Variants in ZPBP observed in about 807,000 individuals in gnomAD.
ZPBP encodes the protein zona pellucida binding protein, also known as zona pellucida-binding protein 1.
In ZPBP, 26 loss-of-function variants were observed where a neutral mutation model predicts 44.8. The ratio of observed to expected loss-of-function variants is 0.58; its 90% CI spans 0.43 to 0.81. ZPBP has a LOEUF of 0.81. Ranked by LOEUF, ZPBP falls within the 30% of genes least tolerant of loss-of-function variation. The pLI, the probability that ZPBP is intolerant of heterozygous loss-of-function variation, is 0.00. For synonymous variants in ZPBP, 174 were observed against 153.2 expected, an observed-to-expected ratio of 1.14 and a Z score of -1.00; for missense variants, 409 against 434.0, an observed-to-expected ratio of 0.94 and a Z score of 0.51.
chr7:50,034,719 TCA>T (rs1481176199), intron 4 of ZPBP, among the ~76,000 whole-genome samples: 3 of 152,158 alleles, frequency 2.0e-5, no homozygotes, highest in Non-Finnish European at 4.4e-5. Context: ...CTTATTATTC[TCA>T]GGACTAAGAG....
intron 6 of ZPBP, among the ~76,000 whole-genome samples, chr7:50,002,600 G>C (rs1798146947): frequency 6.6e-6 from 1 of 152,086 alleles, no homozygotes; most frequent in South Asian, 2.1e-4. Context: ...CTACCCAGAA[G>C]GGTAAAGTAT....
chr7:49,946,289 A>G (rs1795101477), intron 7 of ZPBP, among the ~76,000 whole-genome samples: 1 of 151,798 alleles, frequency 6.6e-6, no homozygotes, highest in South Asian at 2.1e-4. Context: ...TTTTTTGTGT[A>G]TTTACTTCAG....
chr7:49,935,212 G>A (rs745450524), downstream of ZPBP, among the ~76,000 whole-genome samples: 4 of 152,048 alleles, frequency 2.6e-5, no homozygotes, highest in African/African-American at 4.8e-5. Flanking sequence ...TGTGTGCTAC[G>A]AAGAAGGCCA....
chr7:50,092,363 A>G (rs1803037207), intron 1 of ZPBP, among the ~76,000 whole-genome samples: 1 of 151,772 alleles, frequency 6.6e-6, no homozygotes, highest in Non-Finnish European at 1.5e-5. Flanking sequence ...TACCTCCACA[A>G]ACCTTTTACA....
At chr7:50,010,076 G>T (rs1798500546) in intron 6 of ZPBP, among the ~76,000 whole-genome samples, 1 of 152,044 alleles carries the variant, frequency 6.6e-6, no homozygotes, top group South Asian at 2.1e-4. Flanking sequence ...ATTATATATA[G>T]GTTTAACACA....
intron 5 of ZPBP, among the ~76,000 whole-genome samples, chr7:50,027,829 C>T (rs1404100112): frequency 6.6e-6 from 1 of 151,792 alleles, no homozygotes; most frequent in African/African-American, 2.4e-5. Flanking sequence ...AAATAAATCG[C>T]TAGAAACACA....
chr7:50,024,395 T>C (rs1799232141), intron 5 of ZPBP, among the ~76,000 whole-genome samples: 1 of 151,980 alleles, frequency 6.6e-6, no homozygotes, highest in South Asian at 2.1e-4. Context: ...AGCCAAGATA[T>C]GGAAATAACC....
chr7:49,861,606 T>A (rs1449661600), intron 2 of ZPBP, among the ~76,000 whole-genome samples: 2 of 152,236 alleles, frequency 1.3e-5, no homozygotes, highest in Admixed American at 6.5e-5. Flanking sequence ...TATTTTCTTT[T>A]AAGAGTTTTA....
chr7:50,051,784 G>A (rs1800712562), intron 4 of ZPBP, among the ~76,000 whole-genome samples: 1 of 151,938 alleles, frequency 6.6e-6, no homozygotes, highest in African/African-American at 2.4e-5. Context: ...ACAGGGAGGG[G>A]AACAACACAC....
At chr7:49,981,250 G>T (rs1796857153) in intron 7 of ZPBP, among the ~76,000 whole-genome samples, 1 of 75,162 alleles carries the variant, frequency 1.3e-5, no homozygotes, top group African/African-American at 4.6e-5. Flanking sequence ...ATTTATATAT[G>T]TTATATATAA....
intron 2 of ZPBP, among the ~76,000 whole-genome samples, chr7:50,087,355 G>C (rs912219612): frequency 7.2e-5 from 11 of 151,992 alleles, no homozygotes; most frequent in Non-Finnish European, 1.0e-4. Flanking sequence ...TGCAAAGCAA[G>C]TTCAAAATAC....
At chr7:49,857,059 A>T (rs1790456067) in intron 2 of ZPBP, among the ~76,000 whole-genome samples, 1 of 142,658 alleles carries the variant, frequency 7.0e-6, no homozygotes, top group Non-Finnish European at 1.5e-5. Context: ...CATGATATCT[A>T]CCTTCTTAAC....
chr7:49,983,417 T>C lies in ZPBP; in HGVS notation c.886A>G (p.Met296Val), dbSNP rs1797114924. The change falls in exon 7 of 8, where the codon ATG becomes GTG. Residue 296 changes from methionine (M) to valine (V), a missense_variant. By Grantham distance (21) the Met-to-Val change is conservative. This residue lies in a region of ZPBP where 367 missense variants were observed against 363.1 expected (regional missense o/e 1.01). Transcript: ENST00000046087. The stretch of plus-strand genomic sequence containing the variant: ...GGAAAGCAGCGATTAATCCAAACCA[T>C]TTGGAGAGTACCTTCAATATAGTAT... The part of the protein sequence containing the change: ...QIYYIEGTLQ[M>V]VWINRCFPGY... The C allele has an allele frequency of 2.5e-6, 4 of 1,613,330 alleles. No individual in the cohort carries two copies. The highest frequency in any genetic ancestry group is 3.4e-6 in the Non-Finnish European group (4 of 1,179,492).
rs370955033 is a variant in ZPBP at position 49,941,754 on chromosome 7, A to AT, written c.962-4133dup. 3.3e-3 allele frequency among the ~76,000 whole-genome samples: 497 copies of AT among 151,404 alleles called. 1 individual carries two copies. The highest frequency in any genetic ancestry group is 5.0e-3 in the Non-Finnish European group (339 of 67,732). ...CAATCTCTATCAAAATCCCAATAAC[A>AT]TTTTTTTTTGTGAAAAACAAAAATC... is the stretch of plus-strand genomic sequence containing the variant. On this transcript the variant is annotated intron_variant, in intron 7 of 7. Transcript: ENST00000046087.
chr7:49,982,416 A>C (rs1797067218), intron 7 of ZPBP, among the ~76,000 whole-genome samples: 1 of 142,490 alleles, frequency 7.0e-6, no homozygotes, highest in Non-Finnish European at 1.5e-5. Context: ...CAAAGTTAAC[A>C]GTTGGAAGTC....
At chr7:49,884,399 A>G (rs930508531) in intron 2 of ZPBP, among the ~76,000 whole-genome samples, 7 of 152,186 alleles carry the variant, frequency 4.6e-5, no homozygotes, top group African/African-American at 1.7e-4. Flanking sequence ...TAAAGTCTCA[A>G]ATCTGTCTCC....
intron 6 of ZPBP, among the ~76,000 whole-genome samples, chr7:50,005,631 C>A (rs907109449): frequency 1.3e-5 from 2 of 151,578 alleles, no homozygotes; most frequent in Admixed American, 6.6e-5. Flanking sequence ...ATACAATATA[C>A]ACAAAAGGAA....
intron 6 of ZPBP, among the ~76,000 whole-genome samples, chr7:50,013,829 C>T (rs2128802623): frequency 1.3e-5 from 2 of 152,142 alleles, no homozygotes; most frequent in Admixed American, 1.3e-4. Flanking sequence ...TATAATGACA[C>T]TATGATAGCT....
rs138055054 is a variant in ZPBP at position 50,077,662 on chromosome 7, G to A, written c.334+4112C>T. Among the ~76,000 whole-genome samples, 4 of 151,724 alleles carry A rather than the reference G, an allele frequency of 2.6e-5. No homozygotes were observed. In the East Asian group the frequency reaches 5.8e-4, roughly 22 times the overall value. On this transcript the variant is annotated intron_variant, in intron 3 of 7. Coordinates refer to ENST00000046087, the MANE Select transcript of ZPBP (RefSeq NM_007009.3). Reference sequence around the variant, plus strand: ...GAAATGGTGCTCAACATCACTAATCGTCAAAGAAATGCAAATCAAAACTAC... The same window carrying A: ...GAAATGGTGCTCAACATCACTAATCATCAAAGAAATGCAAATCAAAACTAC...
Sources: gnomAD v4.1 joint callset for allele counts (sites outside exome capture counted in the v4.1 genomes callset) on GRCh38, gnomAD v4.1.1 for gene constraint, gnomAD v4.1.1 regional missense constraint, MANE v1.5 for transcripts, NCBI Gene and HGNC (gene_info 2026-07-23, HGNC 2026-07-21) for gene names.